The following GRID2 variants were observed in gnomAD, a reference collection of about 807,000 sequenced individuals.
GRID2 encodes the protein glutamate receptor ionotropic, delta-2.
A neutral mutation model predicts 114.8 loss-of-function variants in GRID2; 33 were observed. That is an observed-to-expected ratio of 0.29 (90% CI 0.22 to 0.38). GRID2 has a LOEUF of 0.38. Ranked by LOEUF, GRID2 falls within the 10% of genes least tolerant of loss-of-function variation. The pLI is 1.00. For missense variants in GRID2, 1,184 were observed against 1,257.7 expected, an observed-to-expected ratio of 0.94 and a Z score of 0.89; for synonymous variants, 505 against 449.9, an observed-to-expected ratio of 1.12 and a Z score of -1.55.
rs1744271446 is a variant in GRID2 at position 92,857,741 on chromosome 4, A to T, written c.245-227254A>T. Among the ~76,000 whole-genome samples the T allele has an allele frequency of 2.0e-5, 3 of 152,186 alleles. No homozygotes were observed. The South Asian group carries it at 6.2e-4, about 32-fold the overall frequency. On this transcript the variant is annotated intron_variant, in intron 2 of 15. Transcript: ENST00000282020. Reference sequence around the variant, plus strand: ...TAGCTAAGATCATTGATGAAGGTGGATATACCCAACAACAGATTTCCAATG... The same window carrying T: ...TAGCTAAGATCATTGATGAAGGTGGTTATACCCAACAACAGATTTCCAATG...
At chr4:92,891,533 T>C (rs1746782530) in intron 2 of GRID2, among the ~76,000 whole-genome samples, 2 of 152,176 alleles carry the variant, frequency 1.3e-5, no homozygotes, top group Admixed American at 1.3e-4. Flanking sequence ...TTTTCACTAG[T>C]CATCAGGTTG....
chr4:93,783,742 C>T (rs1311608470), intron 1 of GRID2, among the ~76,000 whole-genome samples: 2 of 152,112 alleles, frequency 1.3e-5, no homozygotes, highest in Admixed American at 1.3e-4. Context: ...AGTCTTCTCC[C>T]CTCTTGCTTA....
chr4:92,840,603 T>G (rs1291848515), intron 2 of GRID2, among the ~76,000 whole-genome samples: 2 of 152,086 alleles, frequency 1.3e-5, no homozygotes, highest in East Asian at 3.9e-4. Flanking sequence ...TTCAAGAAAT[T>G]CTACGTGAAA....
At chr4:92,544,050 C>T (rs990771507) in intron 1 of GRID2, among the ~76,000 whole-genome samples, 7 of 151,972 alleles carry the variant, frequency 4.6e-5, no homozygotes, top group Non-Finnish European at 7.4e-5. Context: ...TGACTTTTTC[C>T]TGAGAGCAGA....
intron 14 of GRID2, among the ~76,000 whole-genome samples, chr4:93,698,138 T>A (rs1198697140): frequency 6.6e-6 from 1 of 151,944 alleles, no homozygotes; most frequent in Non-Finnish European, 1.5e-5. Flanking sequence ...CAAACACTTT[T>A]ATAAGCTATC....
chr4:92,763,991 T>A (rs1738143708), intron 2 of GRID2, among the ~76,000 whole-genome samples: 1 of 152,086 alleles, frequency 6.6e-6, no homozygotes, highest in East Asian at 1.9e-4. Flanking sequence ...AAAAAAAACG[T>A]TAAAGGCAGG....
intron 1 of GRID2, among the ~76,000 whole-genome samples, chr4:92,441,471 A>G (rs375356698): frequency 0.051 from 7,693 of 151,488 alleles, 247 homozygotes; most frequent in East Asian, 0.085. Context: ...AGAATAATGG[A>G]TAGTAGAGGC....
intron 1 of GRID2, among the ~76,000 whole-genome samples, chr4:92,551,551 C>T (rs1726590281): frequency 6.6e-6 from 1 of 152,098 alleles, no homozygotes; most frequent in Non-Finnish European, 1.5e-5. Flanking sequence ...GGGAGGATTA[C>T]ATTTGTTTTA....
intron 14 of GRID2, among the ~76,000 whole-genome samples, chr4:93,697,865 G>GTATATATATATATATATATATATATA (rs574552355): frequency 1.2e-3 from 93 of 74,862 alleles, no homozygotes; most frequent in African/African-American, 3.0e-3. Flanking sequence ...ATTCCACAAT[G>GTATATATATATATATATATATATATA]TGTGTATATA....
intron 2 of GRID2, among the ~76,000 whole-genome samples, chr4:92,765,093 T>G (rs114572251): frequency 0.042 from 6,374 of 152,288 alleles, 190 homozygotes; most frequent in Non-Finnish European, 0.056. Flanking sequence ...ATGATAGTTT[T>G]TATTCTATTG....
intron 9 of GRID2, among the ~76,000 whole-genome samples, chr4:93,404,583 A>G (rs1766224983): frequency 6.6e-6 from 1 of 152,154 alleles, no homozygotes; most frequent in Admixed American, 6.6e-5. Context: ...AAATTCAAAT[A>G]ACTAGTACAT....
intron 1 of GRID2, among the ~76,000 whole-genome samples, chr4:92,357,073 G>T (rs189590909): frequency 1.1e-4 from 17 of 151,770 alleles, no homozygotes; most frequent in African/African-American, 3.9e-4. Context: ...AGAGGATTAG[G>T]GTAATGGTGC....
chr4:93,136,325 C>T (rs1450523597), intron 4 of GRID2, among the ~76,000 whole-genome samples: 1 of 149,444 alleles, frequency 6.7e-6, no homozygotes, highest in African/African-American at 2.5e-5. Flanking sequence ...TTTAATAAGT[C>T]CTTGCTTTAA....
intron 14 of GRID2, among the ~76,000 whole-genome samples, chr4:93,745,207 TC>T (rs1731739446): frequency 1.3e-5 from 2 of 152,148 alleles, no homozygotes. Context: ...AACTGCTCGA[TC>T]CAGTGTAGGT....
rs539061715 is a variant in GRID2, at chr4:93,326,237, C to T, written c.1246-69370C>T. On this transcript the variant is annotated intron_variant, in intron 8 of 15. Coordinates refer to ENST00000282020, the MANE Select transcript of GRID2 (RefSeq NM_001510.4). Reference sequence around the variant, plus strand: ...AAATCAGGGGGCATGCCTAGACTTTCAAAATCACCCCATCATGGTTACGAT... The same window carrying T: ...AAATCAGGGGGCATGCCTAGACTTTTAAAATCACCCCATCATGGTTACGAT... Among the ~76,000 whole-genome samples the T allele has an allele frequency of 3.9e-5, 6 of 152,228 alleles. 1 individual carries two copies. The South Asian group carries it at 1.2e-3, about 32-fold the overall frequency.
intron 8 of GRID2, among the ~76,000 whole-genome samples, chr4:93,291,805 T>A (rs1753787670): frequency 6.6e-6 from 1 of 152,114 alleles, no homozygotes; most frequent in Non-Finnish European, 1.5e-5. Context: ...TTGACAAAAA[T>A]TGTATATATT....
At chr4:93,061,469 A>G (rs984043534) in intron 2 of GRID2, among the ~76,000 whole-genome samples, 28 of 152,084 alleles carry the variant, frequency 1.8e-4, no homozygotes, top group African/African-American at 6.3e-4. Context: ...CTTAAAATCA[A>G]TGGATAGAAA....
chr4:93,381,055 A>C (rs577733099), intron 8 of GRID2, among the ~76,000 whole-genome samples: 2 of 152,082 alleles, frequency 1.3e-5, no homozygotes, highest in Non-Finnish European at 2.9e-5. Flanking sequence ...CTTTAAAAAA[A>C]ATTTTATTGT....
intron 4 of GRID2, among the ~76,000 whole-genome samples, chr4:93,181,659 T>G (rs1231096417): frequency 1.3e-5 from 2 of 152,172 alleles, no homozygotes; most frequent in Non-Finnish European, 2.9e-5. Flanking sequence ...TACTTCACCT[T>G]GCACTTTTAT....
Sources: allele counts gnomAD v4.1 joint callset (sites outside exome capture counted in the v4.1 genomes callset), GRCh38; gene constraint gnomAD v4.1.1; transcripts MANE v1.5; gene names NCBI Gene and HGNC (gene_info 2026-07-23, HGNC 2026-07-21).